ACTR3B: variants seen among roughly 807,000 people sequenced by gnomAD.
ACTR3B encodes the protein actin-related protein 3B.
In ACTR3B, 8 loss-of-function variants were observed where a neutral mutation model predicts 59.0. The ratio of observed to expected loss-of-function variants is 0.14; its 90% confidence interval spans 0.08 to 0.24. ACTR3B has a LOEUF of 0.24. Among genes scored for constraint, ACTR3B ranks in the 10% least tolerant of loss-of-function variants. The probability of loss-of-function intolerance (pLI) is 1.00; values close to 1 mark genes in which losing one functional copy is unlikely to be tolerated. For missense variants in ACTR3B, 245 were observed against 552.3 expected (o/e 0.44, Z 5.58); for synonymous variants, 148 against 197.9 (o/e 0.75, Z 2.12).
intron 2 of ACTR3B, among the ~76,000 whole-genome samples, chr7:152,784,917 G>A (rs1444715445): frequency 6.6e-6 from 1 of 152,044 alleles, no homozygotes; most frequent in East Asian, 1.9e-4. Context: ...GGGCTTCTGC[G>A]TAGTGAATTC....
rs189251554 is a variant in ACTR3B at position 152,846,707 on chromosome 7, C to T, written c.952-5419C>T. Among the ~76,000 whole-genome samples the T allele has an allele frequency of 2.0e-4, 29 of 144,138 alleles. No homozygotes were observed. In the East Asian group the frequency reaches 5.4e-3, roughly 27 times the overall value. The allele number at this position is 144,138 out of a possible 152,430, so 94.6% of individuals were successfully genotyped here. On this transcript the variant is annotated intron_variant, in intron 9 of 11. Transcript: ENST00000256001. ...GTAGTCTGCAGTGAGCCCCAGCACC[C>T]GGGCTGTAGTCTGCAGTGAGTTCTA...
At chr7:152,811,998 T>C (rs1238630737) in intron 4 of ACTR3B, 1 of 112,900 alleles carries the variant, frequency 8.9e-6, no homozygotes, top group Non-Finnish European at 2.0e-5. Flanking sequence ...ATTCTGTTCT[T>C]AATTCCCAGA....
intron 10 of ACTR3B, 72 bp downstream of exon 10, chr7:152,852,323 G>T: frequency 6.6e-7 from 1 of 1,515,044 alleles, no homozygotes; most frequent in South Asian, 1.3e-5. Flanking sequence ...TCCTGACACA[G>T]AGCCGAAGGA....
intron 10 of ACTR3B, 142 bp downstream of exon 10, chr7:152,852,393 A>T: frequency 8.9e-7 from 1 of 1,121,388 alleles, no homozygotes; most frequent in South Asian, 1.8e-5. Context: ...CTGCATTGTG[A>T]CATGACCATG....
Position 152,759,830 on chromosome 7 carries a change from G to C in ACTR3B, c.-53G>C. 1.7e-6 allele frequency: 2 copies of C among 1,200,112 alleles called. No individual in the cohort carries two copies. The highest frequency in any genetic ancestry group is 2.1e-6 in the Non-Finnish European group (2 of 964,182). 74.3% of individuals were successfully genotyped at this position (1,200,112 alleles called of 1,614,324 possible). On this transcript the variant is annotated 5_prime_UTR_variant, in exon 1 of 12. Coordinates refer to ENST00000256001, the MANE Select transcript of ACTR3B (RefSeq NM_020445.6). Reference sequence around the variant, plus strand: ...GGGCTAGCGGGCGGCGGAGCGGACGGCGACGGGGCGCTCTCGGGCTGCCGG... The same window carrying C: ...GGGCTAGCGGGCGGCGGAGCGGACGCCGACGGGGCGCTCTCGGGCTGCCGG...
rs780449321 is a variant in ACTR3B at position 152,854,735 on chromosome 7, A to AC, written c.*184dup. On this transcript the variant is annotated 3_prime_UTR_variant, in exon 12 of 12. Coordinates refer to ENST00000256001, the MANE Select transcript of ACTR3B (RefSeq NM_020445.6). The surrounding 1 kb of genome is among the most constrained non-coding windows in gnomAD (Gnocchi z 4.9). ...GTAAAAGCCATTTATCCGTGTGCCG[A>AC]CCGCTGTCTGCCAGCCTCCTCCTTC... 5 of 569,846 alleles carry AC rather than the reference A, an allele frequency of 8.8e-6. No individual in the cohort carries two copies. The highest frequency in any genetic ancestry group is 6.9e-5 in the South Asian group (3 of 43,700). The allele number at this position is 569,846 out of a possible 1,614,324, so 35.3% of individuals were successfully genotyped here.
chr7:152,788,981 C>T (rs1311094279), intron 2 of ACTR3B, among the ~76,000 whole-genome samples: 1 of 152,184 alleles, frequency 6.6e-6, no homozygotes, highest in Non-Finnish European at 1.5e-5. Context: ...GAGATTGCGT[C>T]ACCGCACTCC....
intron 9 of ACTR3B, among the ~76,000 whole-genome samples, chr7:152,828,165 T>C (rs1796729743): frequency 6.6e-6 from 1 of 152,234 alleles, no homozygotes; most frequent in East Asian, 1.9e-4. Context: ...TGGCCTGTGA[T>C]AATTATCTGC....
intron 1 of ACTR3B, among the ~76,000 whole-genome samples, chr7:152,765,877 T>C (rs1184760368): frequency 6.6e-6 from 1 of 152,072 alleles, no homozygotes; most frequent in Non-Finnish European, 1.5e-5. Flanking sequence ...GCGTGCTGTG[T>C]CATCCCATGG....
chr7:152,806,502 G>A (rs1248944885), intron 4 of ACTR3B, among the ~76,000 whole-genome samples: 1 of 152,210 alleles, frequency 6.6e-6, no homozygotes. Context: ...TTGCAGTAGA[G>A]TCCAGTGCTG....
intron 9 of ACTR3B, among the ~76,000 whole-genome samples, chr7:152,835,258 C>T (rs1286446897): frequency 6.6e-6 from 1 of 152,126 alleles, no homozygotes; most frequent in Non-Finnish European, 1.5e-5. Flanking sequence ...ATGGGCCAGG[C>T]GTAAGCGTCT....
intron 2 of ACTR3B, among the ~76,000 whole-genome samples, chr7:152,783,775 G>A (rs77813970): frequency 0.14 from 20,935 of 151,092 alleles, 2,021 homozygotes; most frequent in African/African-American, 0.29. Context: ...GAGTCTTCCC[G>A]AGGTTAGTCG....
At chr7:152,764,088 C>T (rs888206386) in intron 1 of ACTR3B, among the ~76,000 whole-genome samples, 1 of 151,674 alleles carries the variant, frequency 6.6e-6, no homozygotes, top group African/African-American at 2.4e-5. Flanking sequence ...TCACTACAAC[C>T]TCTGCCTCCC....
At chr7:152,822,434 A>G (rs1036720647) in intron 7 of ACTR3B, among the ~76,000 whole-genome samples, 5 of 152,218 alleles carry the variant, frequency 3.3e-5, no homozygotes, top group East Asian at 1.9e-4. Context: ...TCATCTTACC[A>G]GATACCCAGG....
intron 9 of ACTR3B, among the ~76,000 whole-genome samples, chr7:152,849,165 A>G: frequency 6.6e-6 from 1 of 152,198 alleles, no homozygotes; most frequent in East Asian, 1.9e-4. Flanking sequence ...CCAGATGAGG[A>G]CAGACTGCAG....
chr7:152,784,475 C>A (rs1300960891), intron 2 of ACTR3B, among the ~76,000 whole-genome samples: 1 of 151,966 alleles, frequency 6.6e-6, no homozygotes, highest in South Asian at 2.1e-4. Context: ...AAAAACTGGC[C>A]ATGAATGTGA....
At chr7:152,772,321 A>C (rs2449717) in intron 1 of ACTR3B, among the ~76,000 whole-genome samples, 59,940 of 137,120 alleles carry the variant, frequency 0.44, 13,773 homozygotes, top group Non-Finnish European at 0.49. Flanking sequence ...GAGTTGGAGA[A>C]CAGCCTGGGG....
At chr7:152,823,202 T>A (rs1320125687) in intron 7 of ACTR3B, 140 bp from the exon 8 acceptor site, 2 of 1,151,176 alleles carry the variant, frequency 1.7e-6, no homozygotes, top group East Asian at 5.1e-5. Flanking sequence ...TGAGGCTTGA[T>A]GCATATCCAC....
chr7:152,853,601 T>C (rs1481179638), intron 11 of ACTR3B, 24 bp downstream of exon 11: 1 of 1,596,590 alleles, frequency 6.3e-7, no homozygotes, highest in South Asian at 1.1e-5. Flanking sequence ...TCGAGGGCTC[T>C]GTGTCTCCAT....
Sources: gnomAD v4.1 joint callset for allele counts (sites outside exome capture counted in the v4.1 genomes callset) on GRCh38, gnomAD v4.1.1 for gene constraint, Gnocchi (gnomAD v3.1) non-coding constraint, MANE v1.5 for transcripts, NCBI Gene and HGNC (gene_info 2026-07-23, HGNC 2026-07-21) for gene names.